The following TMX4 variants were observed in gnomAD, a reference collection of about 807,000 sequenced individuals.
TMX4 encodes the protein thioredoxin-related transmembrane protein 4.
In TMX4, 23 loss-of-function variants were observed where a neutral mutation model predicts 33.3. That is an observed-to-expected ratio of 0.69 (90% confidence interval 0.50 to 0.98). The LOEUF (loss-of-function observed/expected upper bound fraction) is 0.98, where lower values mean the gene tolerates loss of function less well. TMX4 is among the 50% of genes least tolerant of loss of function. The probability of loss-of-function intolerance (pLI) is 0.00; values close to 1 mark genes in which losing one functional copy is unlikely to be tolerated. For missense variants in TMX4, 399 were observed against 448.9 expected, an observed-to-expected ratio of 0.89 and a Z score of 1.01; for synonymous variants, 164 against 161.5, an observed-to-expected ratio of 1.02 and a Z score of -0.12.
intron 2 of TMX4, among the ~76,000 whole-genome samples, chr20:8,007,302 G>A (rs754400982): frequency 1.3e-5 from 2 of 151,792 alleles, no homozygotes; most frequent in Admixed American, 6.6e-5. Context: ...ACCCCATCTG[G>A]CAACCAATCC....
At chr20:7,985,878 C>A (rs1282053119) in intron 6 of TMX4, among the ~76,000 whole-genome samples, 1 of 152,106 alleles carries the variant, frequency 6.6e-6, no homozygotes, top group East Asian at 1.9e-4. Context: ...GCAGGCAGGC[C>A]TGACTCAATT....
chr20:8,015,752 G>C (rs1231515058), intron 1 of TMX4, among the ~76,000 whole-genome samples: 1 of 152,070 alleles, frequency 6.6e-6, no homozygotes, highest in African/African-American at 2.4e-5. Context: ...AAGGAAGGCT[G>C]GAAAGATAAT....
At position 8,019,500 on chromosome 20, in the gene TMX4, C is replaced by G; in HGVS notation, c.114G>C (p.Arg38=). The change falls in exon 1 of 8, where the codon CGG becomes CGC. Residue 38 remains arginine (R), a synonymous_variant. Transcript: ENST00000246024. ...EEAALPPEQS[R]VQPMTASNWT... is the part of the protein sequence containing the mutation. The stretch of plus-strand genomic sequence containing the variant: ...AGTTGGAGGCGGTCATGGGCTGGAC[C>G]CGGCTCTGCTCCGGCGGCAGCGCGG... 6.6e-7 allele frequency: 1 copy of G among 1,508,318 alleles called. No individual in the cohort carries two copies. Among genetic ancestry groups the G allele is most frequent in the African/African-American group, 1.5e-5 (1 of 68,798 alleles). The allele number at this position is 1,508,318 out of a possible 1,614,324, so 93.4% of individuals were successfully genotyped here.
rs1160336624 is a variant in TMX4, at chr20:8,019,477, T to C, written c.137A>G (p.Asn46Ser). The C allele has an allele frequency of 6.6e-6, 10 of 1,516,950 alleles. No homozygotes were observed. The highest frequency in any genetic ancestry group is 2.1e-5 in the Admixed American group (1 of 47,492). The allele number at this position is 1,516,950 out of a possible 1,614,324, so 94.0% of individuals were successfully genotyped here. Residue 46 changes from asparagine to serine, a missense_variant, in exon 1 of 8, where the codon AAC becomes AGC. Transcript: ENST00000246024. ...CTCGCCCTCCATCACCAGCGTCCAGTTGGAGGCGGTCATGGGCTGGACCCG... is the reference window on the plus strand; with the variant it reads ...CTCGCCCTCCATCACCAGCGTCCAGCTGGAGGCGGTCATGGGCTGGACCCG... ...QSRVQPMTAS[N>S]WTLVMEGEWM...
chr20:7,987,560 T>C (rs2050636352), intron 5 of TMX4, among the ~76,000 whole-genome samples, 171 bp from the exon 6 acceptor site: 1 of 152,136 alleles, frequency 6.6e-6, no homozygotes, highest in South Asian at 2.1e-4. Context: ...CTGAGAGTAG[T>C]AATTAAGGTC....
chr20:8,013,431 T>C (rs1399995514), intron 1 of TMX4, among the ~76,000 whole-genome samples: 2 of 152,234 alleles, frequency 1.3e-5, no homozygotes, highest in Admixed American at 1.3e-4. Context: ...ATTAGTAAAC[T>C]TCATAAACAT....
chr20:7,984,026 A>C (rs1276563833), intron 6 of TMX4, among the ~76,000 whole-genome samples, 169 bp from the exon 7 acceptor site: 1 of 152,248 alleles, frequency 6.6e-6, no homozygotes, highest in African/African-American at 2.4e-5. Flanking sequence ...CTACTTTTCA[A>C]ATGTGACATA....
intron 4 of TMX4, among the ~76,000 whole-genome samples, chr20:7,997,521 C>A (rs76554380): frequency 1.0e-4 from 15 of 147,784 alleles, no homozygotes; most frequent in East Asian, 6.0e-4. Context: ...AAAAAAAAAA[C>A]AACTTTCTGA....
chr20:8,019,549 G>T lies in TMX4; in HGVS notation c.65C>A (p.Ala22Glu). ...ALLAAWIAAV[A>E]ATAGPEEAAL... is the part of the protein sequence containing the mutation. ...GGCCTCCTCGGGGCCTGCCGTCGCC[G>T]CCACAGCCGCGATCCAGGCGGCCAG... is the stretch of plus-strand genomic sequence containing the variant. The change falls in exon 1 of 8, where the codon GCG (alanine) becomes GAG (glutamate). Residue 22 changes from alanine to glutamate, a missense_variant. Transcript: ENST00000246024. 1 of 1,457,586 alleles carries T rather than the reference G, an allele frequency of 6.9e-7. No individual in the cohort carries two copies. Among genetic ancestry groups the T allele is most frequent in the Non-Finnish European group, 9.1e-7 (1 of 1,104,612 alleles). 90.3% of individuals were successfully genotyped at this position (1,457,586 alleles called of 1,614,324 possible).
chr20:8,019,353 G>T, intron 1 of TMX4, 85 bp downstream of exon 1: 1 of 1,419,410 alleles, frequency 7.0e-7, no homozygotes, highest in Non-Finnish European at 9.3e-7. Context: ...AAGCGGCAAT[G>T]CGGGATCGCC....
intron 7 of TMX4, among the ~76,000 whole-genome samples, chr20:7,983,005 CCT>C (rs1345526392): frequency 1.3e-5 from 2 of 152,174 alleles, no homozygotes; most frequent in South Asian, 4.1e-4. Context: ...GGAGAAACAG[CCT>C]CTTTTTCTTC....
chr20:8,010,753 T>C (rs1366387741), intron 1 of TMX4, among the ~76,000 whole-genome samples: 3 of 152,126 alleles, frequency 2.0e-5, no homozygotes, highest in Non-Finnish European at 4.4e-5. Flanking sequence ...ACCAAATCTG[T>C]TGTTTGAGCA....
intron 2 of TMX4, among the ~76,000 whole-genome samples, chr20:8,004,155 T>C (rs541119173): frequency 6.7e-6 from 1 of 150,342 alleles, no homozygotes; most frequent in South Asian, 2.1e-4. Context: ...TCTGGGAGGC[T>C]AAAAGACATC....
chr20:8,012,513 TA>T (rs2050757044), intron 1 of TMX4, among the ~76,000 whole-genome samples: 1 of 152,172 alleles, frequency 6.6e-6, no homozygotes, highest in Non-Finnish European at 1.5e-5. Flanking sequence ...ATTTCTTTGA[TA>T]AAAATCGTCA....
intron 5 of TMX4, among the ~76,000 whole-genome samples, chr20:7,991,133 A>G (rs2050652771): frequency 6.6e-6 from 1 of 152,206 alleles, no homozygotes; most frequent in Non-Finnish European, 1.5e-5. Flanking sequence ...GTTTTCTGTC[A>G]CGTCATTCTA....
rs1441275548 is a variant in TMX4, at chr20:7,980,696, A to G, written c.*1555T>C. 5 of 152,234 alleles carry G rather than the reference A, an allele frequency of 3.3e-5. No individual in the cohort carries two copies. The highest frequency in any genetic ancestry group is 7.3e-5 in the Non-Finnish European group (5 of 68,044). The allele number at this position is 152,234 out of a possible 1,614,324, so 9.4% of individuals were successfully genotyped here. ...GTCAAGTAACTGAATTGGAAAGATGAAAAAGAACCATCTCTAAAAGTTGAT... is the reference window on the plus strand; with the variant it reads ...GTCAAGTAACTGAATTGGAAAGATGGAAAAGAACCATCTCTAAAAGTTGAT... On this transcript the variant is annotated 3_prime_UTR_variant, in exon 8 of 8. Coordinates refer to ENST00000246024, the MANE Select transcript of TMX4 (RefSeq NM_021156.4).
intron 6 of TMX4, among the ~76,000 whole-genome samples, chr20:7,985,022 C>T (rs1269270512): frequency 1.3e-5 from 2 of 152,052 alleles, no homozygotes; most frequent in Admixed American, 6.5e-5. Context: ...TTGACAAACA[C>T]TTTTCTATCA....
chr20:7,991,294 C>G (rs1037623256), intron 5 of TMX4, among the ~76,000 whole-genome samples: 1 of 152,184 alleles, frequency 6.6e-6, no homozygotes, highest in Non-Finnish European at 1.5e-5. Flanking sequence ...TATCAGTGAG[C>G]AGCAGAGATT....
chr20:7,978,797 T>G lies in TMX4; in HGVS notation c.*3454A>C, dbSNP rs1171211740. 2 of 152,210 alleles carry G rather than the reference T, an allele frequency of 1.3e-5. No homozygotes were observed. The highest frequency in any genetic ancestry group is 2.9e-5 in the Non-Finnish European group (2 of 68,052). 9.4% of individuals were successfully genotyped at this position (152,210 alleles called of 1,614,324 possible). A position where few individuals can be genotyped will look rare whatever the true frequency, so the allele number is the denominator to read the frequency against. On this transcript the variant is annotated 3_prime_UTR_variant, in exon 8 of 8. Transcript: ENST00000246024. Reference sequence around the variant, plus strand: ...AAGAAAGATGTGGATTGCCTGTATGTTGCTTCAATATGAGATCTCTGAGCA... The same window carrying G: ...AAGAAAGATGTGGATTGCCTGTATGGTGCTTCAATATGAGATCTCTGAGCA...
Sources: allele counts gnomAD v4.1 joint callset (sites outside exome capture counted in the v4.1 genomes callset), GRCh38; gene constraint gnomAD v4.1.1; transcripts MANE v1.5; gene names NCBI Gene and HGNC (gene_info 2026-07-23, HGNC 2026-07-21).